The following SLC30A4 variants were observed in gnomAD, a reference collection of about 807,000 sequenced individuals.
The protein encoded by SLC30A4 is probable proton-coupled zinc antiporter SLC30A4.
Under a neutral mutation model 41.7 loss-of-function variants are expected in SLC30A4, and 20 were observed. The ratio of observed to expected loss-of-function variants is 0.48; its 90% CI spans 0.34 to 0.70. The LOEUF is 0.70. SLC30A4 is among the 30% of genes least tolerant of loss of function. The probability of loss-of-function intolerance (pLI) is 0.01; values close to 1 mark genes in which losing one functional copy is unlikely to be tolerated. For synonymous variants in SLC30A4, 181 were observed against 195.9 expected (o/e 0.92, Z 0.64); for missense variants, 441 against 529.3 (o/e 0.83, Z 1.64).
At chr15:45,491,548 G>A (rs1891810380) in intron 3 of SLC30A4, among the ~76,000 whole-genome samples, 1 of 152,166 alleles carries the variant, frequency 6.6e-6, no homozygotes, top group African/African-American at 2.4e-5. Flanking sequence ...GCAACATAGT[G>A]AGACTCCGTC....
At chr15:45,499,529 T>A (rs575738277) in intron 3 of SLC30A4, among the ~76,000 whole-genome samples, 1 of 152,250 alleles carries the variant, frequency 6.6e-6, no homozygotes, top group South Asian at 2.1e-4. Context: ...ATAAATATAG[T>A]CAATTACTTT....
At chr15:45,495,748 C>T (rs113131785) in intron 3 of SLC30A4, among the ~76,000 whole-genome samples, 7 of 152,190 alleles carry the variant, frequency 4.6e-5, no homozygotes, top group African/African-American at 1.4e-4. Context: ...AAAGTCAGTT[C>T]TCTATGCCAC....
intron 2 of SLC30A4, among the ~76,000 whole-genome samples, chr15:45,513,486 CA>C (rs34481795): frequency 7.4e-4 from 96 of 129,842 alleles, no homozygotes; most frequent in Admixed American, 7.7e-4. Context: ...TGACATCAGC[CA>C]AAAAAAAAAA....
chr15:45,511,397 A>T, intron 2 of SLC30A4, 113 bp from the exon 3 acceptor site: 1 of 643,800 alleles, frequency 1.6e-6, no homozygotes, highest in Non-Finnish European at 2.5e-6. Context: ...CTAAATCTTT[A>T]TCCCATTACA....
At chr15:45,494,326 TA>T (rs1206625385) in intron 3 of SLC30A4, among the ~76,000 whole-genome samples, 2 of 151,890 alleles carry the variant, frequency 1.3e-5, no homozygotes, top group African/African-American at 4.8e-5. Flanking sequence ...GTAAGCCAAA[TA>T]AAAAAAACAC....
intron 3 of SLC30A4, 32 bp downstream of exon 3, chr15:45,511,106 A>G (rs1054268210): frequency 1.3e-6 from 2 of 1,570,688 alleles, no homozygotes; most frequent in African/African-American, 2.7e-5. Context: ...ACTATAAAAT[A>G]TTATAAAGCA....
intron 3 of SLC30A4, among the ~76,000 whole-genome samples, chr15:45,504,118 T>G (rs1456208667): frequency 6.6e-6 from 1 of 152,218 alleles, no homozygotes; most frequent in Admixed American, 6.5e-5. Flanking sequence ...CTTGATCATG[T>G]AAAGCTAATT....
chr15:45,482,408 A>G lies in SLC30A4; in HGVS notation c.*2755T>C, dbSNP rs1891615562. ...ACTCCAGCCTGGGTGACAGTGAGAC[A>G]CCATCTTAAAAAAAAAAAAAGAATT... On this transcript the variant is annotated 3_prime_UTR_variant, in exon 8 of 8. Transcript: ENST00000261867. The G allele has an allele frequency of 6.6e-6, 1 of 151,036 alleles. No homozygotes were observed. Among genetic ancestry groups the G allele is most frequent in the African/African-American group, 2.4e-5 (1 of 40,984 alleles). 9.4% of individuals were successfully genotyped at this position (151,036 alleles called of 1,614,324 possible).
intron 3 of SLC30A4, among the ~76,000 whole-genome samples, chr15:45,493,100 C>A (rs1006884764): frequency 6.6e-6 from 1 of 151,884 alleles, no homozygotes; most frequent in African/African-American, 2.4e-5. Context: ...GGCAAAAGCC[C>A]GTCTCTACTA....
chr15:45,490,391 A>G (rs1891787956), intron 4 of SLC30A4, among the ~76,000 whole-genome samples: 1 of 152,194 alleles, frequency 6.6e-6, no homozygotes, highest in Admixed American at 6.5e-5. Context: ...ATGTGGCCTA[A>G]CTTAAACTTT....
In SLC30A4 at chr15:45,479,649, G is replaced by A. The variant is rs979986329; in HGVS notation, c.*5514C>T. ...GTTTTATTTCTTAAACATATAAGAG[G>A]GCATTATAAAATGACATTATAATTA... On this transcript the variant is annotated 3_prime_UTR_variant, in exon 8 of 8. Coordinates refer to ENST00000261867, the MANE Select transcript of SLC30A4 (RefSeq NM_013309.6). 2.0e-5 allele frequency: 3 copies of A among 151,472 alleles called. No homozygotes were observed. The highest frequency in any genetic ancestry group is 7.3e-5 in the African/African-American group (3 of 41,202). The allele number at this position is 151,472 out of a possible 1,614,324, so 9.4% of individuals were successfully genotyped here. A position where few individuals can be genotyped will look rare whatever the true frequency, so the allele number is the denominator to read the frequency against.
At chr15:45,511,866 T>C (rs1292895991) in intron 2 of SLC30A4, among the ~76,000 whole-genome samples, 1 of 152,198 alleles carries the variant, frequency 6.6e-6, no homozygotes, top group Non-Finnish European at 1.5e-5. Flanking sequence ...TATATAGTGA[T>C]TTTGTGTCTT....
chr15:45,486,796 A>G lies in SLC30A4; in HGVS notation c.1001-51T>C, dbSNP rs555462203. 25 of 1,045,560 alleles carry G rather than the reference A, an allele frequency of 2.4e-5. No homozygotes were observed. The East Asian group carries it at 6.0e-4, about 25-fold the overall frequency. The allele number at this position is 1,045,560 out of a possible 1,614,324, so 64.8% of individuals were successfully genotyped here. On this transcript the variant is annotated intron_variant, in intron 6 of 7. Transcript: ENST00000261867. ...TAAAATTTATTTTGGAAATAAAGGA[A>G]CTTTTACATTACCGATGACATTTAT...
intron 3 of SLC30A4, among the ~76,000 whole-genome samples, chr15:45,504,835 A>G (rs1892114472): frequency 6.6e-6 from 1 of 152,184 alleles, no homozygotes; most frequent in African/African-American, 2.4e-5. Flanking sequence ...ACTGGTAGGA[A>G]GTTAGGGAGC....
At chr15:45,488,581 A>T (rs1376965522) in intron 5 of SLC30A4, among the ~76,000 whole-genome samples, 3 of 152,108 alleles carry the variant, frequency 2.0e-5, no homozygotes, top group Admixed American at 6.5e-5. Flanking sequence ...TCAAAAATAA[A>T]TAAATAAATA....
At chr15:45,486,525 T>G (rs1048544242) in intron 7 of SLC30A4, 86 bp downstream of exon 7, 2 of 1,223,256 alleles carry the variant, frequency 1.6e-6, no homozygotes, top group African/African-American at 3.2e-5. Flanking sequence ...CAGAAAAGTC[T>G]TCCTACATAA....
Position 45,486,620 on chromosome 15 carries a change from T to C in SLC30A4, c.1126A>G (p.Ile376Val). 6.2e-7 allele frequency: 1 copy of C among 1,603,752 alleles called. No homozygotes were observed. The highest frequency in any genetic ancestry group is 1.1e-5 in the South Asian group (1 of 88,712). The change falls in exon 7 of 8, where the codon ATA becomes GTA. Residue 376 changes from isoleucine to valine, a missense_variant. Ile to Val is a conservative substitution (Grantham distance 29, BLOSUM62 3). This residue lies in a region of SLC30A4 where 100 missense variants were observed against 121.0 expected (regional missense o/e 0.83). Transcript: ENST00000261867. Reference sequence around the variant, plus strand: ...ACTACCAGCAACATACTTAGCTGTATGTGAACTATGGCAGTAGATTTTCCT... The same window carrying C: ...ACTACCAGCAACATACTTAGCTGTACGTGAACTATGGCAGTAGATTTTCCT... ...TSGKSTAIVH[I>V]QLIPGSSSKW...
Position 45,511,265 on chromosome 15 carries a change from G to A in SLC30A4, c.411C>T (p.Ser137=). 4 of 1,607,168 alleles carry A rather than the reference G, an allele frequency of 2.5e-6. No homozygotes were observed. Among genetic ancestry groups the A allele is most frequent in the Non-Finnish European group, 3.4e-6 (4 of 1,176,612 alleles). Residue 137 remains serine, a synonymous_variant, in exon 3 of 8, where the codon AGC becomes AGT. Transcript: ENST00000261867. ...GELVGGYIAN[S]LAIMTDALHM... ...GAAGTGCATCTGTCATGATTGCTAG[G>A]CTATTTGCAATGTATCCACCTTAGA...
At chr15:45,520,893 T>C in intron 2 of SLC30A4, 1 of 374,358 alleles carries the variant, frequency 2.7e-6, no homozygotes, top group Middle Eastern at 3.8e-4. Context: ...CAAAAAATGT[T>C]TGAAAGCCAC....
Sources: allele counts gnomAD v4.1 joint callset (sites outside exome capture counted in the v4.1 genomes callset), GRCh38; gene constraint gnomAD v4.1.1; regional missense constraint gnomAD v4.1.1; transcripts MANE v1.5; gene names NCBI Gene and HGNC (gene_info 2026-07-23, HGNC 2026-07-21).